The following PRKN variants were observed in gnomAD, a reference collection of about 807,000 sequenced individuals.
The protein encoded by PRKN is parkin RBR E3 ubiquitin protein ligase, also known as E3 ubiquitin-protein ligase parkin.
A neutral mutation model predicts 59.5 loss-of-function variants in PRKN; 56 were observed. That is an observed-to-expected ratio of 0.94 (90% CI 0.76 to 1.18). The LOEUF is 1.18. Among genes scored for constraint, PRKN ranks in the 50% most tolerant of loss-of-function variants. The probability of loss-of-function intolerance (pLI) is 0.00; values close to 1 mark genes in which losing one functional copy is unlikely to be tolerated. For synonymous variants in PRKN, 250 were observed against 222.1 expected, an observed-to-expected ratio of 1.13 and a Z score of -1.12; for missense variants, 657 against 596.4, an observed-to-expected ratio of 1.10 and a Z score of -1.06.
At chr6:161,629,705 C>T (rs1783225999) in intron 7 of PRKN, among the ~76,000 whole-genome samples, 1 of 152,282 alleles carries the variant, frequency 6.6e-6, no homozygotes, top group South Asian at 2.1e-4. Flanking sequence ...CTCTGCCTGC[C>T]TCCTTCCCCA....
chr6:162,703,039 G>A (rs1359770130), intron 1 of PRKN, among the ~76,000 whole-genome samples: 1 of 152,154 alleles, frequency 6.6e-6, no homozygotes, highest in South Asian at 2.1e-4. Context: ...CATAAGCTTT[G>A]ATAGTATTCT....
chr6:162,449,553 A>T (rs796726496), intron 1 of PRKN, among the ~76,000 whole-genome samples: 1 of 151,822 alleles, frequency 6.6e-6, no homozygotes, highest in African/African-American at 2.4e-5. Flanking sequence ...TTATTTTTTA[A>T]TTGCTATTTT....
intron 7 of PRKN, among the ~76,000 whole-genome samples, chr6:161,743,683 G>C (rs936100142): frequency 6.6e-6 from 1 of 152,120 alleles, no homozygotes; most frequent in Admixed American, 6.5e-5. Flanking sequence ...GAACACTGCC[G>C]GGCACACCGT....
chr6:162,283,284 CTT>C (rs1473043930), intron 2 of PRKN, among the ~76,000 whole-genome samples: 1 of 152,112 alleles, frequency 6.6e-6, no homozygotes, highest in Non-Finnish European at 1.5e-5. Context: ...GCCAATAAGT[CTT>C]TTTATTTTCA....
chr6:161,459,179 G>GT lies in PRKN; in HGVS notation c.1084-72303dup, dbSNP rs1790100304. On this transcript the variant is annotated intron_variant, in intron 9 of 11. Coordinates refer to ENST00000366898, the MANE Select transcript of PRKN (RefSeq NM_004562.3). The surrounding 1 kb of genome is among the most constrained non-coding windows in gnomAD (Gnocchi z 4.8). ...GCCCTCAGTGATCACCATTTTTCAG[G>GT]TAAGACTTGTTCTCCAGGTTAATTA... is the stretch of plus-strand genomic sequence containing the variant. 6.6e-6 allele frequency among the ~76,000 whole-genome samples: 1 copy of GT among 152,160 alleles called. No individual in the cohort carries two copies. Among genetic ancestry groups the GT allele is most frequent in the African/African-American group, 2.4e-5 (1 of 41,422 alleles).
chr6:161,530,031 T>TA lies in PRKN; in HGVS notation c.1083+18822_1083+18823insT, dbSNP rs1430206025. Among the ~76,000 whole-genome samples the TA allele has an allele frequency of 2.7e-5, 4 of 147,782 alleles. No individual in the cohort carries two copies. The highest frequency in any genetic ancestry group is 1.0e-4 in the African/African-American group (4 of 39,398). On this transcript the variant is annotated intron_variant, in intron 9 of 11. Coordinates refer to ENST00000366898, the MANE Select transcript of PRKN (RefSeq NM_004562.3). The surrounding 1 kb of genome is among the most constrained non-coding windows in gnomAD (Gnocchi z 5.0). ...CAAAAGCATTTTACTTAAGAAGCAT[T>TA]TAAAAAAAAAACCCTCATTCATTTC...
At chr6:162,287,013 C>T (rs1037891172) in intron 2 of PRKN, among the ~76,000 whole-genome samples, 3 of 152,176 alleles carry the variant, frequency 2.0e-5, no homozygotes, top group African/African-American at 7.2e-5. Flanking sequence ...ATTCTATAAC[C>T]AAAGCAGTTA....
chr6:161,991,282 T>A (rs1781635844), intron 5 of PRKN, among the ~76,000 whole-genome samples: 1 of 151,982 alleles, frequency 6.6e-6, no homozygotes, highest in Non-Finnish European at 1.5e-5. Context: ...ATATGTACCA[T>A]CACGAAAACA....
intron 2 of PRKN, among the ~76,000 whole-genome samples, chr6:162,428,095 A>G (rs1439923843): frequency 1.3e-5 from 2 of 152,310 alleles, no homozygotes; most frequent in East Asian, 1.9e-4. Flanking sequence ...ATCTCCCTAC[A>G]AAGTTTATAC....
At chr6:161,425,889 C>T (rs1238752431) in intron 9 of PRKN, among the ~76,000 whole-genome samples, 1 of 152,046 alleles carries the variant, frequency 6.6e-6, no homozygotes, top group Non-Finnish European at 1.5e-5. Flanking sequence ...TTTTTAATAG[C>T]TCATGTTGGG....
At chr6:162,588,954 C>T (rs2846548) in intron 1 of PRKN, among the ~76,000 whole-genome samples, 141,693 of 152,130 alleles carry the variant, frequency 0.93, 66,083 homozygotes, top group Middle Eastern at 0.97. Context: ...CTGTCATTAC[C>T]GTCACTATGA....
rs718319 is a variant in PRKN at position 161,466,593 on chromosome 6, A to G, written c.1084-79716T>C. Among the ~76,000 whole-genome samples, 21,196 of 152,220 alleles carry G rather than the reference A, an allele frequency of 0.14. 1,780 individuals carry two copies. The highest frequency in any genetic ancestry group is 0.2 in the Middle Eastern group (59 of 294). ...GGTACAGTTTGCATATTAAAAGATA[A>G]GCCAGTACATCTCTGAGATTTGCCA... On this transcript the variant is annotated intron_variant, in intron 9 of 11. Transcript: ENST00000366898. This position sits in a 1 kb window ranked among gnomAD's most constrained non-coding sequence, Gnocchi z 5.0.
In PRKN at chr6:161,417,495, A is replaced by G. The variant is rs1212143366; in HGVS notation, c.1084-30618T>C. Among the ~76,000 whole-genome samples the G allele has an allele frequency of 2.0e-5, 3 of 151,840 alleles. No individual in the cohort carries two copies. The East Asian group carries it at 5.8e-4, about 29-fold the overall frequency. On this transcript the variant is annotated intron_variant, in intron 9 of 11. Transcript: ENST00000366898. This position sits in a 1 kb window ranked among gnomAD's most constrained non-coding sequence, Gnocchi z 5.4. ...TCTAATGCCTCCAAGACCACACGCT[A>G]TTGATTTAATCTCTGAATTAAAGGT...
chr6:161,923,478 TTCC>T (rs946453525), intron 6 of PRKN, among the ~76,000 whole-genome samples: 15 of 152,214 alleles, frequency 9.9e-5, no homozygotes, highest in Admixed American at 5.9e-4. Flanking sequence ...ATAAAGTAGA[TTCC>T]TCCTCCTCTT....
At chr6:161,890,163 T>C (rs1457578373) in intron 6 of PRKN, among the ~76,000 whole-genome samples, 1 of 152,228 alleles carries the variant, frequency 6.6e-6, no homozygotes, top group Non-Finnish European at 1.5e-5. Flanking sequence ...CAGTTCTTAT[T>C]TTACAGTATT....
chr6:162,156,822 T>A (rs1005809322), intron 4 of PRKN, among the ~76,000 whole-genome samples: 1 of 152,122 alleles, frequency 6.6e-6, no homozygotes, highest in Non-Finnish European at 1.5e-5. Context: ...TCTCCCCCTT[T>A]GCACACAGGT....
chr6:162,316,223 A>C (rs531757854), intron 2 of PRKN, among the ~76,000 whole-genome samples: 14 of 151,988 alleles, frequency 9.2e-5, no homozygotes, highest in African/African-American at 3.4e-4. Context: ...GCAAAACTCC[A>C]TAAGAATTTT....
At chr6:162,285,159 C>G (rs1781123061) in intron 2 of PRKN, among the ~76,000 whole-genome samples, 1 of 151,458 alleles carries the variant, frequency 6.6e-6, no homozygotes. Context: ...GCCACCCAGT[C>G]TGTAGTGAAG....
chr6:161,977,845 G>A (rs1207113908), intron 5 of PRKN, among the ~76,000 whole-genome samples: 6 of 151,812 alleles, frequency 4.0e-5, no homozygotes, highest in South Asian at 4.2e-4. Context: ...CACCACGCCC[G>A]GCCCTATCTT....
Sources: allele counts gnomAD v4.1 joint callset (sites outside exome capture counted in the v4.1 genomes callset), GRCh38; gene constraint gnomAD v4.1.1; non-coding constraint Gnocchi (gnomAD v3.1); transcripts MANE v1.5; gene names NCBI Gene and HGNC (gene_info 2026-07-23, HGNC 2026-07-21).